Variants in ST6GALNAC3 observed in about 807,000 individuals in gnomAD.
ST6GALNAC3 encodes the protein alpha-N-acetylgalactosaminide alpha-2,6-sialyltransferase 3.
ST6GALNAC3 carries 25 observed loss-of-function variants against 32.7 expected under a neutral mutation model. That is an observed-to-expected ratio of 0.76 (90% confidence interval 0.56 to 1.07). ST6GALNAC3 has a LOEUF of 1.07. Among genes scored for constraint, ST6GALNAC3 ranks in the 50% least tolerant of loss-of-function variants. The pLI, the probability that ST6GALNAC3 is intolerant of heterozygous loss-of-function variation, is 0.00. For missense variants in ST6GALNAC3, 355 were observed against 382.4 expected, an observed-to-expected ratio of 0.93 and a Z score of 0.60; for synonymous variants, 129 against 133.1, an observed-to-expected ratio of 0.97 and a Z score of 0.21.
chr1:76,469,198 TTC>T lies in ST6GALNAC3; in HGVS notation c.623+56783_623+56784del, dbSNP rs548373664. Among the ~76,000 whole-genome samples, 71 of 152,246 alleles carry T rather than the reference TTC, an allele frequency of 4.7e-4. 3 individuals are homozygous for T. In the South Asian group the frequency reaches 0.014, roughly 31 times the overall value. ...TAACACAAGACTGTTGTTGAAAGACTTCTTTTTCCCTAATTATTTATTGTGAT... is the reference window on the plus strand; with the variant it reads ...TAACACAAGACTGTTGTTGAAAGACTTTTTTCCCTAATTATTTATTGTGAT... On this transcript the variant is annotated intron_variant, in intron 3 of 4. Coordinates refer to ENST00000328299, the MANE Select transcript of ST6GALNAC3 (RefSeq NM_152996.4).
intron 3 of ST6GALNAC3, among the ~76,000 whole-genome samples, chr1:76,494,208 C>A (rs1411663840): frequency 6.6e-6 from 1 of 151,666 alleles, no homozygotes; most frequent in Non-Finnish European, 1.5e-5. Flanking sequence ...TTCCTAGAAT[C>A]CATATCACCT....
chr1:76,113,156 C>G (rs959820198), intron 1 of ST6GALNAC3, among the ~76,000 whole-genome samples: 1 of 152,060 alleles, frequency 6.6e-6, no homozygotes, highest in African/African-American at 2.4e-5. Flanking sequence ...GCCAACACAG[C>G]GAAACCCCGT....
intron 3 of ST6GALNAC3, among the ~76,000 whole-genome samples, chr1:76,613,591 C>T (rs963595874): frequency 6.6e-6 from 1 of 152,172 alleles, no homozygotes; most frequent in Admixed American, 6.5e-5. Context: ...GGAGGAGGGG[C>T]CTGGTGGGAG....
intron 3 of ST6GALNAC3, among the ~76,000 whole-genome samples, chr1:76,567,394 G>C (rs1665615930): frequency 6.6e-6 from 1 of 152,052 alleles, no homozygotes; most frequent in East Asian, 1.9e-4. Flanking sequence ...CAAAGAAAAA[G>C]GGAGGACTAC....
chr1:76,440,218 A>G (rs1656449845), intron 3 of ST6GALNAC3, among the ~76,000 whole-genome samples: 1 of 152,218 alleles, frequency 6.6e-6, no homozygotes, highest in Non-Finnish European at 1.5e-5. Flanking sequence ...TGTTGCTAAA[A>G]ATTTCTTTAA....
intron 3 of ST6GALNAC3, among the ~76,000 whole-genome samples, chr1:76,523,885 C>A (rs1255722622): frequency 1.3e-5 from 2 of 152,138 alleles, no homozygotes; most frequent in Non-Finnish European, 2.9e-5. Context: ...GTGTCCCCAA[C>A]GGTGCCCCCT....
At chr1:76,135,867 G>C (rs1192800440) in intron 1 of ST6GALNAC3, among the ~76,000 whole-genome samples, 1 of 152,172 alleles carries the variant, frequency 6.6e-6, no homozygotes, top group African/African-American at 2.4e-5. Flanking sequence ...AGTCATATGT[G>C]TCCCTATCTG....
At chr1:76,212,310 A>G (rs1318560773) in intron 1 of ST6GALNAC3, among the ~76,000 whole-genome samples, 1 of 152,126 alleles carries the variant, frequency 6.6e-6, no homozygotes, top group Non-Finnish European at 1.5e-5. Flanking sequence ...CTTCCAGACA[A>G]TCTCATTTTG....
At chr1:76,282,087 T>C (rs766353541) in intron 1 of ST6GALNAC3, among the ~76,000 whole-genome samples, 4 of 152,128 alleles carry the variant, frequency 2.6e-5, no homozygotes, top group Non-Finnish European at 5.9e-5. Context: ...TCTATAGTTG[T>C]CTTTTATGAG....
intron 2 of ST6GALNAC3, among the ~76,000 whole-genome samples, chr1:76,331,435 A>G (rs937127563): frequency 8.5e-5 from 13 of 152,198 alleles, no homozygotes; most frequent in Non-Finnish European, 1.8e-4. Context: ...TCTTTCAACT[A>G]TCTAAGTAAT....
At chr1:76,221,057 G>A (rs906095031) in intron 1 of ST6GALNAC3, among the ~76,000 whole-genome samples, 1 of 152,148 alleles carries the variant, frequency 6.6e-6, no homozygotes, top group African/African-American at 2.4e-5. Context: ...GCAGCCTGGA[G>A]AAGAGATCCT....
intron 1 of ST6GALNAC3, among the ~76,000 whole-genome samples, chr1:76,276,418 A>G (rs1403135295): frequency 2.6e-5 from 4 of 152,146 alleles, no homozygotes; most frequent in South Asian, 4.1e-4. Context: ...TAATGATATC[A>G]TCTATGTGTA....
At chr1:76,331,792 T>C (rs751402280) in intron 2 of ST6GALNAC3, among the ~76,000 whole-genome samples, 39 of 152,206 alleles carry the variant, frequency 2.6e-4, no homozygotes, top group Non-Finnish European at 3.8e-4. Context: ...TTAATGTAAA[T>C]GTAGGCATTT....
intron 2 of ST6GALNAC3, among the ~76,000 whole-genome samples, chr1:76,325,760 T>A (rs1322051310): frequency 6.7e-6 from 1 of 150,166 alleles, no homozygotes; most frequent in African/African-American, 2.4e-5. Context: ...ATTATTATTA[T>A]ATTATTGCTA....
rs1480383798 is a variant in ST6GALNAC3, at chr1:76,112,221, G to C, written c.18+37337G>C. On this transcript the variant is annotated intron_variant, in intron 1 of 4. Transcript: ENST00000328299. ...CAGAGGCGCCCCTCACCTCCCGGAC[G>C]GGGCGGCTGGCCGGGCGGGGGGCTG... Among the ~76,000 whole-genome samples the C allele has an allele frequency of 2.1e-5, 3 of 142,688 alleles. No homozygotes were observed. The East Asian group carries it at 6.5e-4, about 31-fold the overall frequency. 93.6% of individuals were successfully genotyped at this position (142,688 alleles called of 152,430 possible). A position where few individuals can be genotyped will look rare whatever the true frequency, so the allele number is the denominator to read the frequency against.
intron 3 of ST6GALNAC3, among the ~76,000 whole-genome samples, chr1:76,426,292 A>G (rs151318458): frequency 3.3e-5 from 5 of 151,948 alleles, no homozygotes; most frequent in African/African-American, 9.6e-5. Context: ...TGCCCCCTCA[A>G]ATAGCATCTG....
At chr1:76,262,811 C>T (rs1337037709) in intron 1 of ST6GALNAC3, among the ~76,000 whole-genome samples, 1 of 152,158 alleles carries the variant, frequency 6.6e-6, no homozygotes, top group Non-Finnish European at 1.5e-5. Flanking sequence ...TGGAAACATG[C>T]ACGCACACAT....
intron 2 of ST6GALNAC3, among the ~76,000 whole-genome samples, chr1:76,348,505 A>T (rs1323684310): frequency 6.6e-6 from 1 of 152,224 alleles, no homozygotes; most frequent in Non-Finnish European, 1.5e-5. Flanking sequence ...TATCATCCAA[A>T]CCACTGGAGA....
At chr1:76,601,764 A>G (rs1570417364) in intron 3 of ST6GALNAC3, among the ~76,000 whole-genome samples, 1 of 152,220 alleles carries the variant, frequency 6.6e-6, no homozygotes, top group Admixed American at 6.5e-5. Flanking sequence ...AGGGGGAAGA[A>G]GCCTTTTGCA....
Sources: gnomAD v4.1 joint callset for allele counts (sites outside exome capture counted in the v4.1 genomes callset) on GRCh38, gnomAD v4.1.1 for gene constraint, MANE v1.5 for transcripts, NCBI Gene and HGNC (gene_info 2026-07-23, HGNC 2026-07-21) for gene names.